DCBLD2: variants seen among roughly 807,000 people sequenced by gnomAD.
The protein encoded by DCBLD2 is discoidin, CUB and LCCL domain-containing protein 2.
DCBLD2 carries 54 observed loss-of-function variants against 86.8 expected under a neutral mutation model. That is an observed-to-expected ratio of 0.62 (90% CI 0.50 to 0.78). The LOEUF is 0.78. Ranked by LOEUF, DCBLD2 falls within the 30% of genes least tolerant of loss-of-function variation. The pLI is 0.00. For synonymous variants in DCBLD2, 354 were observed against 341.3 expected, an observed-to-expected ratio of 1.04 and a Z score of -0.41; for missense variants, 908 against 954.2, an observed-to-expected ratio of 0.95 and a Z score of 0.64.
At chr3:98,841,061 G>A (rs1942611223) in intron 3 of DCBLD2, among the ~76,000 whole-genome samples, 1 of 152,166 alleles carries the variant, frequency 6.6e-6, no homozygotes, top group African/African-American at 2.4e-5. Flanking sequence ...TCACAGTAGA[G>A]TTTAACCCAA....
chr3:98,866,619 T>C (rs1181530626), intron 2 of DCBLD2, among the ~76,000 whole-genome samples: 3 of 152,254 alleles, frequency 2.0e-5, no homozygotes. Flanking sequence ...CTTTGTCTGA[T>C]GAGTAGATTG....
intron 2 of DCBLD2, among the ~76,000 whole-genome samples, chr3:98,865,452 G>A (rs1305784125): frequency 1.3e-5 from 2 of 152,154 alleles, no homozygotes; most frequent in Non-Finnish European, 2.9e-5. Context: ...ACGGGTTGAA[G>A]GGGGAGTTGG....
At chr3:98,857,446 G>C (rs1942954534) in intron 2 of DCBLD2, among the ~76,000 whole-genome samples, 1 of 136,862 alleles carries the variant, frequency 7.3e-6, no homozygotes, top group African/African-American at 2.8e-5. Flanking sequence ...CTGCTGATTA[G>C]TCCATTTTAC....
chr3:98,847,736 A>G (rs1183179432), intron 3 of DCBLD2, among the ~76,000 whole-genome samples: 1 of 152,206 alleles, frequency 6.6e-6, no homozygotes, highest in Non-Finnish European at 1.5e-5. Context: ...TAAACTTTTA[A>G]ATGGTAACTT....
intron 1 of DCBLD2, among the ~76,000 whole-genome samples, chr3:98,891,672 C>T (rs1943663846): frequency 7.9e-5 from 12 of 152,090 alleles, no homozygotes; most frequent in Admixed American, 7.9e-4. Flanking sequence ...CTGGTCTCAT[C>T]TCTTCACTTT....
At chr3:98,885,196 T>C (rs1234494986) in intron 1 of DCBLD2, among the ~76,000 whole-genome samples, 1 of 152,080 alleles carries the variant, frequency 6.6e-6, no homozygotes, top group African/African-American at 2.4e-5. Flanking sequence ...GTGATGGAGT[T>C]CAGAGCTTCC....
rs1356708860 is a variant in DCBLD2 at position 98,811,250 on chromosome 3, T to A, written c.1520A>T (p.Gln507Leu). ...SSNEFPAQTE[Q>L]TTASPDIRNT... ...TCTGATATCAGGACTGGCAGTTGTT[T>A]GTTCTGTCTGTGCAGGAAATTCATT... is the stretch of plus-strand genomic sequence containing the variant. The change falls in exon 12 of 16, where the codon CAA (glutamine) becomes CTA (leucine). Residue 507 changes from glutamine (Q) to leucine (L), a missense_variant. Transcript: ENST00000326840. 5 of 1,612,616 alleles carry A rather than the reference T, an allele frequency of 3.1e-6. No individual in the cohort carries two copies. The highest frequency in any genetic ancestry group is 4.2e-6 in the Non-Finnish European group (5 of 1,179,416).
Position 98,839,140 on chromosome 3 carries a change from C to T in DCBLD2, c.571+10321G>A, listed in dbSNP as rs1414233726. On this transcript the variant is annotated intron_variant, in intron 3 of 15. Transcript: ENST00000326840. ...TTCTTTTTCTTTCTTTCCTTCCTTC[C>T]TTCCTTCTTTCTTTCTTTCTTTCTT... Among the ~76,000 whole-genome samples, 58 of 102,820 alleles carry T rather than the reference C, an allele frequency of 5.6e-4. 1 individual carries two copies. Among genetic ancestry groups the T allele is most frequent in the African/African-American group, 1.6e-3 (43 of 27,680 alleles). The allele number at this position is 102,820 out of a possible 152,430, so 67.5% of individuals were successfully genotyped here.
At chr3:98,865,455 G>T (rs1943125847) in intron 2 of DCBLD2, among the ~76,000 whole-genome samples, 1 of 152,160 alleles carries the variant, frequency 6.6e-6, no homozygotes, top group African/African-American at 2.4e-5. Flanking sequence ...GGTTGAAGGG[G>T]GAGTTGGAGG....
chr3:98,880,822 C>G (rs376487104), intron 2 of DCBLD2, among the ~76,000 whole-genome samples: 2 of 152,182 alleles, frequency 1.3e-5, no homozygotes, highest in South Asian at 4.1e-4. Context: ...GAGAGTTATG[C>G]TTTAATCCCA....
intron 1 of DCBLD2, among the ~76,000 whole-genome samples, chr3:98,899,165 T>C (rs1943802461): frequency 6.6e-6 from 1 of 151,820 alleles, no homozygotes; most frequent in Admixed American, 6.6e-5. Context: ...TAAAGAGAAA[T>C]GTATTTGTTA....
intron 13 of DCBLD2, among the ~76,000 whole-genome samples, chr3:98,803,674 T>G (rs76245311): frequency 0.053 from 8,126 of 152,274 alleles, 279 homozygotes; most frequent in Non-Finnish European, 0.071. Context: ...TGATATTGGC[T>G]GTGGGTTTGT....
chr3:98,811,659 C>A, intron 10 of DCBLD2, 105 bp from the exon 11 acceptor site: 2 of 1,090,510 alleles, frequency 1.8e-6, no homozygotes, highest in Non-Finnish European at 2.5e-6. Flanking sequence ...TTTAATTCTG[C>A]AGAATAATTT....
chr3:98,819,910 T>C (rs939349523), intron 7 of DCBLD2, among the ~76,000 whole-genome samples: 1 of 152,230 alleles, frequency 6.6e-6, no homozygotes, highest in African/African-American at 2.4e-5. Context: ...GGCAGGAGTT[T>C]GTTCACTTTA....
intron 3 of DCBLD2, among the ~76,000 whole-genome samples, chr3:98,832,390 C>T (rs1443249409): frequency 1.3e-5 from 2 of 152,122 alleles, no homozygotes; most frequent in Non-Finnish European, 2.9e-5. Flanking sequence ...TTTTATTCAG[C>T]ATGCCACTCT....
intron 1 of DCBLD2, among the ~76,000 whole-genome samples, chr3:98,889,930 C>A (rs1460150204): frequency 1.3e-5 from 2 of 152,006 alleles, no homozygotes; most frequent in Non-Finnish European, 2.9e-5. Flanking sequence ...TAAAAACACA[C>A]AAAACCTCCT....
At chr3:98,886,800 A>ACCC (rs56817910) in intron 1 of DCBLD2, among the ~76,000 whole-genome samples, 1,547 of 123,506 alleles carry the variant, frequency 0.013, 53 homozygotes, top group East Asian at 0.093. Flanking sequence ...TTACAGGAAA[A>ACCC]CCCCCCCCCT....
At chr3:98,803,207 G>A (rs559974814) in intron 13 of DCBLD2, among the ~76,000 whole-genome samples, 81 of 152,132 alleles carry the variant, frequency 5.3e-4, no homozygotes, top group South Asian at 4.4e-3. Flanking sequence ...ATTTGTTTGC[G>A]TCCTCTTTTA....
chr3:98,859,572 T>C (rs564199446), intron 2 of DCBLD2, among the ~76,000 whole-genome samples: 6 of 152,318 alleles, frequency 3.9e-5, no homozygotes, highest in African/African-American at 1.2e-4. Context: ...TTCAGCAATA[T>C]TCACTGTTCT....
Sources: allele counts gnomAD v4.1 joint callset (sites outside exome capture counted in the v4.1 genomes callset), GRCh38; gene constraint gnomAD v4.1.1; transcripts MANE v1.5; gene names NCBI Gene and HGNC (gene_info 2026-07-23, HGNC 2026-07-21).